The following COL28A1 variants were observed in gnomAD, a reference collection of about 807,000 sequenced individuals.
The protein encoded by COL28A1 is collagen type XXVIII alpha 1 chain.
COL28A1 carries 161 observed loss-of-function variants against 150.2 expected under a neutral mutation model. The observed-to-expected ratio is 1.07, with a 90% CI of 0.94 to 1.22. The LOEUF is 1.22. COL28A1 is among the 50% of genes most tolerant of loss of function. COL28A1 has a pLI of 0.00. For synonymous variants in COL28A1, 552 were observed against 469.7 expected, an observed-to-expected ratio of 1.18 and a Z score of -2.26; for missense variants, 1,617 against 1,388.3, an observed-to-expected ratio of 1.16 and a Z score of -2.62.
chr7:7,517,050 T>C (rs1299382942), intron 7 of COL28A1, among the ~76,000 whole-genome samples: 1 of 152,218 alleles, frequency 6.6e-6, no homozygotes, highest in African/African-American at 2.4e-5. Flanking sequence ...TACATACTTG[T>C]ATGCTTTATA....
chr7:7,455,236 G>C (rs185662168), intron 16 of COL28A1, among the ~76,000 whole-genome samples: 126 of 152,244 alleles, frequency 8.3e-4, no homozygotes, highest in African/African-American at 2.9e-3. Flanking sequence ...TTCTAACCAG[G>C]AGATATTTAG....
intron 3 of COL28A1, among the ~76,000 whole-genome samples, chr7:7,528,966 G>C (rs1305248958): frequency 6.6e-6 from 1 of 152,076 alleles, no homozygotes; most frequent in East Asian, 1.9e-4. Context: ...AGATGTAATA[G>C]AAAGGGATTA....
chr7:7,370,708 G>C lies in COL28A1; in HGVS notation c.3066+17C>G. ...ACACCATTTTAAGCTCACAAAGTAA[G>C]TGAGACAGTTACTTACTGACTCAGA... On this transcript the variant is annotated intron_variant, in intron 33 of 34. Coordinates refer to ENST00000399429, the MANE Select transcript of COL28A1 (RefSeq NM_001037763.3). The C allele has an allele frequency of 6.3e-7, 1 of 1,595,438 alleles. No individual in the cohort carries two copies. Among genetic ancestry groups the C allele is most frequent in the Non-Finnish European group, 8.6e-7 (1 of 1,167,168 alleles).
At chr7:7,422,830 G>A (rs1483706111) in intron 25 of COL28A1, among the ~76,000 whole-genome samples, 1 of 152,112 alleles carries the variant, frequency 6.6e-6, no homozygotes, top group Non-Finnish European at 1.5e-5. Flanking sequence ...AGTAATAGAC[G>A]GAAGAGGGAG....
intron 13 of COL28A1, among the ~76,000 whole-genome samples, chr7:7,484,851 GC>G (rs1779535991): frequency 6.6e-6 from 1 of 152,142 alleles, no homozygotes; most frequent in African/African-American, 2.4e-5. Flanking sequence ...GGAGCTAGAA[GC>G]GCTTATCCTT....
In COL28A1 at chr7:7,432,580, T is replaced by A. The variant is rs763466003; in HGVS notation, c.1930-39A>T. 8 of 1,606,398 alleles carry A rather than the reference T, an allele frequency of 5.0e-6. No homozygotes were observed. The Admixed American group carries it at 1.3e-4, about 27-fold the overall frequency. On this transcript the variant is annotated intron_variant, in intron 24 of 34. Coordinates refer to ENST00000399429, the MANE Select transcript of COL28A1 (RefSeq NM_001037763.3). The stretch of plus-strand genomic sequence containing the variant: ...GTAAGGGAGGGAGTGAGCATCCTTG[T>A]AGTATGCAACACTCAAAAAGGAGGG...
At chr7:7,440,423 T>A (rs1785682652) in intron 21 of COL28A1, among the ~76,000 whole-genome samples, 1 of 152,198 alleles carries the variant, frequency 6.6e-6, no homozygotes, top group African/African-American at 2.4e-5. Flanking sequence ...GCCTTCATCA[T>A]CACTGTGCTG....
chr7:7,473,774 A>T (rs1371229989), intron 15 of COL28A1, among the ~76,000 whole-genome samples: 4 of 152,120 alleles, frequency 2.6e-5, no homozygotes, highest in Non-Finnish European at 5.9e-5. Context: ...ATGCAAAAAC[A>T]TGGAACCAAC....
intron 20 of COL28A1, among the ~76,000 whole-genome samples, chr7:7,441,475 G>A (rs1785783345): frequency 6.6e-6 from 1 of 150,984 alleles, no homozygotes; most frequent in African/African-American, 2.4e-5. Context: ...TTTCAACTAG[G>A]GTTCAACTGC....
chr7:7,535,091 C>A (rs1296818782), intron 1 of COL28A1, among the ~76,000 whole-genome samples: 1 of 152,050 alleles, frequency 6.6e-6, no homozygotes, highest in African/African-American at 2.4e-5. Context: ...ATGTCACGTA[C>A]AAGCAAAATA....
Position 7,507,122 on chromosome 7 carries a change from T to C in COL28A1, c.967A>G (p.Ile323Val). ...TTTGGTTTTAACCCCCTTACCTGAA[T>C]TCCTCTGGGTCCCTTTGGTCCATAT... ...GPYGPKGPRG[I>V]QGITGPPGDP... is the part of the protein sequence containing the mutation. The change falls in exon 10 of 35, where the codon ATT becomes GTT. Residue 323 changes from isoleucine (I) to valine (V), a missense_variant. Coordinates refer to ENST00000399429, the MANE Select transcript of COL28A1 (RefSeq NM_001037763.3). 1.6e-6 allele frequency: 2 copies of C among 1,266,816 alleles called. No homozygotes were observed. The highest frequency in any genetic ancestry group is 2.3e-6 in the Non-Finnish European group (2 of 864,210). 78.5% of individuals were successfully genotyped at this position (1,266,816 alleles called of 1,614,324 possible). A position where few individuals can be genotyped will look rare whatever the true frequency, so the allele number is the denominator to read the frequency against.
intron 27 of COL28A1, 27 bp from the exon 28 acceptor site, chr7:7,381,639 T>C (rs1781880159): frequency 1.9e-6 from 3 of 1,566,728 alleles, no homozygotes; most frequent in Non-Finnish European, 2.6e-6. Context: ...AAAGAGATGT[T>C]CTATTAATTT....
chr7:7,542,168 T>G, the COL28A1 span, among the ~76,000 whole-genome samples: 3 of 152,062 alleles, frequency 2.0e-5, no homozygotes, highest in Non-Finnish European at 4.4e-5. Flanking sequence ...GCCAACATAG[T>G]GAAACCCCGT....
At chr7:7,394,893 A>G (rs777262417) in intron 27 of COL28A1, among the ~76,000 whole-genome samples, 7 of 152,236 alleles carry the variant, frequency 4.6e-5, no homozygotes, top group Non-Finnish European at 7.3e-5. Flanking sequence ...TACATTTACA[A>G]AACTGTACTA....
chr7:7,456,137 T>C (rs928948160), intron 15 of COL28A1, 25 bp from the exon 16 acceptor site: 1 of 1,606,008 alleles, frequency 6.2e-7, no homozygotes, highest in African/African-American at 1.3e-5. Flanking sequence ...AGCCAGGAAA[T>C]ATAACAATAA....
In COL28A1 at chr7:7,370,865, AT is replaced by A. The variant is rs1172899597; in HGVS notation, c.2925del (p.Lys975AsnfsTer49). The A allele has an allele frequency of 2.5e-6, 4 of 1,612,102 alleles. No individual in the cohort carries two copies. Among genetic ancestry groups the A allele is most frequent in the Non-Finnish European group, 3.4e-6 (4 of 1,178,912 alleles). On this transcript the variant is annotated frameshift_variant, in exon 33 of 35. Coordinates refer to ENST00000399429, the MANE Select transcript of COL28A1 (RefSeq NM_001037763.3). LOFTEE classifies it high-confidence loss of function. ...AAATCCTCACAAATTTTTTGAAACAATTTTTGCTTCAGGGTGTCTTTTAAAA... is the reference window on the plus strand; with the variant it reads ...AAATCCTCACAAATTTTTTGAAACAATTTTGCTTCAGGGTGTCTTTTAAAA... Reference protein sequence around the residue: ...FFTLQDTLKQKLFQKICEDFD... With the variant: ...FFTLQDTLKQXLFQKICEDFD...
chr7:7,341,125 A>G, the COL28A1 span, among the ~76,000 whole-genome samples: 3 of 152,160 alleles, frequency 2.0e-5, no homozygotes, highest in African/African-American at 7.2e-5. Flanking sequence ...GGCTCTGGAA[A>G]CAAGCTTCAG....
At chr7:7,393,296 G>C (rs1327094509) in intron 27 of COL28A1, among the ~76,000 whole-genome samples, 1 of 152,220 alleles carries the variant, frequency 6.6e-6, no homozygotes, top group African/African-American at 2.4e-5. Flanking sequence ...GGAGGCTGCA[G>C]AACAGCAAAG....
intron 25 of COL28A1, among the ~76,000 whole-genome samples, chr7:7,427,010 G>A (rs1030363816): frequency 2.0e-5 from 3 of 152,150 alleles, no homozygotes. Flanking sequence ...ATGGTGATGT[G>A]GGCAATGAAT....
Sources: gnomAD v4.1 joint callset for allele counts (sites outside exome capture counted in the v4.1 genomes callset) on GRCh38, gnomAD v4.1.1 for gene constraint, MANE v1.5 for transcripts, NCBI Gene and HGNC (gene_info 2026-07-23, HGNC 2026-07-21) for gene names.